The following GALNT13 variants were observed in gnomAD, a reference collection of about 807,000 sequenced individuals.
GALNT13 encodes UDP-GalNAc:polypeptide N-acetylgalactosaminyltransferase 13.
Under a neutral mutation model 64.2 loss-of-function variants are expected in GALNT13, and 28 were observed. The ratio of observed to expected loss-of-function variants is 0.44; its 90% CI spans 0.32 to 0.60. The LOEUF (loss-of-function observed/expected upper bound fraction) is 0.60. GALNT13 is among the 20% of genes least tolerant of loss of function. The pLI is 0.05. For synonymous variants in GALNT13, 214 were observed against 224.6 expected (o/e 0.95, Z 0.42); for missense variants, 577 against 669.8 (o/e 0.86, Z 1.53).
At chr2:154,238,016 C>T (rs1036673622) in intron 4 of GALNT13, among the ~76,000 whole-genome samples, 15 of 151,852 alleles carry the variant, frequency 9.9e-5, no homozygotes, top group African/African-American at 3.6e-4. Context: ...TCATGTCAGC[C>T]AAGGACCAGG....
the GALNT13 span, among the ~76,000 whole-genome samples, chr2:153,768,084 T>C: frequency 6.6e-6 from 1 of 152,202 alleles, no homozygotes; most frequent in Non-Finnish European, 1.5e-5. Context: ...TAGTTTCAGG[T>C]CTTACTTTTA....
intron 11 of GALNT13, among the ~76,000 whole-genome samples, chr2:154,417,326 A>T (rs1458069117): frequency 6.7e-6 from 1 of 149,240 alleles, no homozygotes; most frequent in Non-Finnish European, 1.5e-5. Flanking sequence ...CCTAGTTATT[A>T]CAGGATAAAA....
At chr2:154,332,242 G>C (rs1329734701) in intron 9 of GALNT13, among the ~76,000 whole-genome samples, 1 of 152,068 alleles carries the variant, frequency 6.6e-6, no homozygotes, top group Non-Finnish European at 1.5e-5. Context: ...AAGAGACAGA[G>C]AGATTGTGTT....
At chr2:154,151,613 C>A (rs1175012447) in intron 4 of GALNT13, among the ~76,000 whole-genome samples, 3 of 152,078 alleles carry the variant, frequency 2.0e-5, no homozygotes, top group Non-Finnish European at 4.4e-5. Context: ...ACTGGGTGCT[C>A]CTGTATTGGG....
At chr2:154,153,291 A>G (rs1573761652) in intron 4 of GALNT13, among the ~76,000 whole-genome samples, 1 of 146,314 alleles carries the variant, frequency 6.8e-6, no homozygotes, top group Non-Finnish European at 1.5e-5. Flanking sequence ...TTCCTCTGGA[A>G]GTGTCTCAGA....
the GALNT13 span, among the ~76,000 whole-genome samples, chr2:153,661,084 T>C: frequency 6.6e-6 from 1 of 152,234 alleles, no homozygotes; most frequent in South Asian, 2.1e-4. Flanking sequence ...AGCACTGGAT[T>C]CTAGTTACAG....
the GALNT13 span, among the ~76,000 whole-genome samples, chr2:153,284,238 T>C: frequency 2.0e-5 from 3 of 152,154 alleles, no homozygotes; most frequent in Non-Finnish European, 4.4e-5. Flanking sequence ...ATTGCCGAGC[T>C]GGCCCTGGCT....
chr2:154,422,194 T>C (rs1700283371), intron 11 of GALNT13, among the ~76,000 whole-genome samples: 1 of 152,180 alleles, frequency 6.6e-6, no homozygotes, highest in African/African-American at 2.4e-5. Context: ...GCTTTCAGAC[T>C]ACAAAGGTTG....
At chr2:154,367,242 G>T (rs994052233) in intron 9 of GALNT13, among the ~76,000 whole-genome samples, 1 of 152,104 alleles carries the variant, frequency 6.6e-6, no homozygotes, top group African/African-American at 2.4e-5. Context: ...GAACAAGGGA[G>T]TTCAAGATGT....
the GALNT13 span, among the ~76,000 whole-genome samples, chr2:153,451,203 G>A: frequency 6.6e-6 from 1 of 151,982 alleles, no homozygotes; most frequent in South Asian, 2.1e-4. Context: ...AAAATCATCA[G>A]CATTCATTAG....
the GALNT13 span, among the ~76,000 whole-genome samples, chr2:153,314,013 T>G: frequency 6.6e-6 from 1 of 152,144 alleles, no homozygotes; most frequent in Non-Finnish European, 1.5e-5. Context: ...AGGCAAGTAT[T>G]ATAGCAGCAC....
At chr2:153,542,940 T>C in the GALNT13 span, among the ~76,000 whole-genome samples, 2 of 152,214 alleles carry the variant, frequency 1.3e-5, no homozygotes, top group Non-Finnish European at 2.9e-5. Context: ...CAACTTTACA[T>C]GTATTTATAA....
intron 3 of GALNT13, among the ~76,000 whole-genome samples, chr2:154,086,384 A>G (rs893592020): frequency 6.8e-6 from 1 of 148,100 alleles, no homozygotes; most frequent in East Asian, 2.0e-4. Flanking sequence ...CACCAATTCT[A>G]TTTATATTAT....
intron 1 of GALNT13, among the ~76,000 whole-genome samples, chr2:153,881,639 A>G (rs1686792779): frequency 6.6e-6 from 1 of 152,202 alleles, no homozygotes; most frequent in Non-Finnish European, 1.5e-5. Context: ...GTGGGATAAC[A>G]TGTATACATC....
chr2:154,026,635 T>C (rs1289627527), intron 3 of GALNT13, among the ~76,000 whole-genome samples: 1 of 152,186 alleles, frequency 6.6e-6, no homozygotes, highest in Non-Finnish European at 1.5e-5. Context: ...GAGTGCAAGT[T>C]ATCATTCTAC....
chr2:154,000,176 T>A (rs1695805762), intron 3 of GALNT13, among the ~76,000 whole-genome samples: 1 of 151,950 alleles, frequency 6.6e-6, no homozygotes, highest in South Asian at 2.1e-4. Flanking sequence ...TAGTACCTTC[T>A]TTTTCATCTC....
the GALNT13 span, among the ~76,000 whole-genome samples, chr2:153,176,772 A>G: frequency 4.4e-5 from 1 of 22,762 alleles, no homozygotes; most frequent in Admixed American, 7.6e-4. Context: ...CCTGAGTTTA[A>G]AAAAAAAAAA....
chr2:154,064,189 G>T (rs1383627146), intron 3 of GALNT13, among the ~76,000 whole-genome samples: 1 of 152,150 alleles, frequency 6.6e-6, no homozygotes, highest in Non-Finnish European at 1.5e-5. Context: ...ATGTACACCA[G>T]CCCTAGACAG....
the GALNT13 span, among the ~76,000 whole-genome samples, chr2:153,837,257 A>G: frequency 2.0e-5 from 3 of 152,296 alleles, no homozygotes; most frequent in South Asian, 2.1e-4. Context: ...TCTGATGGCC[A>G]GTGATGATGA....
Sources: allele counts gnomAD v4.1 joint callset (sites outside exome capture counted in the v4.1 genomes callset), GRCh38; gene constraint gnomAD v4.1.1; transcripts MANE v1.5; gene names NCBI Gene and HGNC (gene_info 2026-07-23, HGNC 2026-07-21).